PTPRD: variants seen among roughly 807,000 people sequenced by gnomAD.
PTPRD encodes receptor-type tyrosine-protein phosphatase delta.
In PTPRD, 34 loss-of-function variants were observed where a neutral mutation model predicts 214.5. The observed-to-expected ratio is 0.16, with a 90% CI of 0.12 to 0.21. The LOEUF (loss-of-function observed/expected upper bound fraction) is 0.21. Ranked by LOEUF, PTPRD falls within the 10% of genes least tolerant of loss-of-function variation. PTPRD has a pLI of 1.00. For synonymous variants in PTPRD, 1,128 were observed against 845.7 expected (o/e 1.33, Z -5.79); for missense variants, 2,545 against 2,398.7 (o/e 1.06, Z -1.27).
chr9:9,479,774 C>A (rs78369761), intron 8 of PTPRD, among the ~76,000 whole-genome samples: 2 of 151,512 alleles, frequency 1.3e-5, no homozygotes, highest in South Asian at 2.1e-4. Flanking sequence ...TCTTAAATTC[C>A]CCTATTTGTC....
intron 5 of PTPRD, among the ~76,000 whole-genome samples, chr9:9,810,629 G>A (rs1002206659): frequency 5.3e-5 from 8 of 151,316 alleles, no homozygotes; most frequent in African/African-American, 1.7e-4. Context: ...AAAAGATTTC[G>A]TTTAAAATAC....
At chr9:9,880,950 C>A (rs1411014369) in intron 5 of PTPRD, among the ~76,000 whole-genome samples, 1 of 152,018 alleles carries the variant, frequency 6.6e-6, no homozygotes, top group Non-Finnish European at 1.5e-5. Flanking sequence ...GAACAAAAAT[C>A]TTTCCTTTTA....
chr9:9,740,271 G>C (rs1349882594), intron 6 of PTPRD, among the ~76,000 whole-genome samples: 5 of 151,734 alleles, frequency 3.3e-5, no homozygotes, highest in Admixed American at 3.3e-4. Context: ...ATGCATATTA[G>C]CCATTAATAT....
intron 3 of PTPRD, among the ~76,000 whole-genome samples, chr9:10,258,863 T>C (rs910977410): frequency 1.3e-5 from 2 of 152,224 alleles, no homozygotes; most frequent in Non-Finnish European, 2.9e-5. Flanking sequence ...TAATTTATAA[T>C]TCAATACAAC....
At chr9:9,917,004 T>G (rs2081036027) in intron 5 of PTPRD, among the ~76,000 whole-genome samples, 1 of 151,200 alleles carries the variant, frequency 6.6e-6, no homozygotes, top group South Asian at 2.1e-4. Flanking sequence ...AAAAATCTCT[T>G]GAAACAAATG....
intron 30 of PTPRD, among the ~76,000 whole-genome samples, chr9:8,479,138 G>A (rs537567207): frequency 3.9e-5 from 6 of 152,266 alleles, no homozygotes; most frequent in African/African-American, 1.4e-4. Flanking sequence ...AAGTGACACA[G>A]CATGGCACGG....
rs112951986 is a variant in PTPRD, at chr9:9,645,051, A to G, written c.-286-70270T>C. Reference sequence around the variant, plus strand: ...ATGGTTAACACTTAGCCATCTGCAGACAGCAACTGCTAAAAGAGCATTAAT... The same window carrying G: ...ATGGTTAACACTTAGCCATCTGCAGGCAGCAACTGCTAAAAGAGCATTAAT... On this transcript the variant is annotated intron_variant, in intron 7 of 45. Transcript: ENST00000381196. Among the ~76,000 whole-genome samples the G allele has an allele frequency of 4.7e-3, 712 of 152,332 alleles. 10 individuals carry two copies. Among genetic ancestry groups the G allele is most frequent in the Non-Finnish European group, 6.5e-3 (440 of 68,022 alleles).
rs149250476 is a variant in PTPRD at position 8,701,818 on chromosome 9, AAT to A, written c.64+31960_64+31961del. Among the ~76,000 whole-genome samples, 406 of 152,334 alleles carry A rather than the reference AAT, an allele frequency of 2.7e-3. 1 individual carries two copies. Among genetic ancestry groups the A allele is most frequent in the Admixed American group, 4.1e-3 (62 of 15,304 alleles). On this transcript the variant is annotated intron_variant, in intron 12 of 45. Coordinates refer to ENST00000381196, the MANE Select transcript of PTPRD (RefSeq NM_002839.4). ...TATCTCAGTTACTGCCACCATTAAA[AAT>A]AGAGTATTCCATATAAAAGTGAGGG...
At chr9:9,409,180 C>A (rs1368736796) in intron 8 of PTPRD, among the ~76,000 whole-genome samples, 1 of 151,924 alleles carries the variant, frequency 6.6e-6, no homozygotes, top group Non-Finnish European at 1.5e-5. Flanking sequence ...TCTCAGTATA[C>A]TGTTCCTACA....
At chr9:9,946,446 C>G (rs961450924) in intron 4 of PTPRD, among the ~76,000 whole-genome samples, 4 of 152,204 alleles carry the variant, frequency 2.6e-5, no homozygotes, top group Non-Finnish European at 4.4e-5. Context: ...AAAATAAACT[C>G]CCTCTTCAAA....
At chr9:9,046,624 G>T (rs1286833500) in intron 10 of PTPRD, among the ~76,000 whole-genome samples, 1 of 152,072 alleles carries the variant, frequency 6.6e-6, no homozygotes, top group Non-Finnish European at 1.5e-5. Context: ...TATGATAGGG[G>T]TCATATAACT....
At chr9:8,507,474 A>G (rs2097565808) in intron 21 of PTPRD, 40 bp from the exon 22 acceptor site, 1 of 1,612,098 alleles carries the variant, frequency 6.2e-7, no homozygotes, top group Non-Finnish European at 8.5e-7. Context: ...CACAATCACC[A>G]GGAGTATTCA....
chr9:9,363,032 T>C (rs1006352569), intron 9 of PTPRD, among the ~76,000 whole-genome samples: 4 of 151,204 alleles, frequency 2.6e-5, no homozygotes, highest in Non-Finnish European at 5.9e-5. Flanking sequence ...TCTCCCAGTT[T>C]ATTACCCTTT....
chr9:9,995,501 T>C (rs1228172339), intron 4 of PTPRD, among the ~76,000 whole-genome samples: 1 of 152,200 alleles, frequency 6.6e-6, no homozygotes, highest in East Asian at 1.9e-4. Context: ...TTTACTTGCC[T>C]CTTCAGATCC....
rs2134798012 is a variant in PTPRD, at chr9:8,375,948, A to G, written c.4649T>C (p.Val1550Ala). The G allele has an allele frequency of 6.2e-6, 10 of 1,612,346 alleles. No individual in the cohort carries two copies. The highest frequency in any genetic ancestry group is 2.2e-5 in the East Asian group (1 of 44,838). Residue 1550 changes from valine to alanine, a missense_variant, in exon 39 of 46, where the codon GTT (valine) becomes GCT (alanine). Coordinates refer to ENST00000381196, the MANE Select transcript of PTPRD (RefSeq NM_002839.4). Reference protein sequence around the residue: ...TCNPPDAGPMVVHCSAGVGRT... With the variant: ...TCNPPDAGPMAVHCSAGVGRT... ...AAACGCTTCTTACCTGCAGTGCACA[A>G]CCATCGGACCAGCATCGGGAGGGTT...
intron 4 of PTPRD, among the ~76,000 whole-genome samples, chr9:9,988,929 T>C (rs2095812663): frequency 6.8e-6 from 1 of 146,918 alleles, no homozygotes; most frequent in African/African-American, 2.5e-5. Context: ...ATGAGACCAA[T>C]TACCTTCTGG....
At chr9:9,613,584 T>C (rs1371343863) in intron 7 of PTPRD, among the ~76,000 whole-genome samples, 1 of 152,202 alleles carries the variant, frequency 6.6e-6, no homozygotes, top group African/African-American at 2.4e-5. Context: ...ATCTCTTTAG[T>C]TTTTCTATTA....
At chr9:8,777,405 G>A (rs2095528835) in intron 11 of PTPRD, among the ~76,000 whole-genome samples, 1 of 152,096 alleles carries the variant, frequency 6.6e-6, no homozygotes, top group Non-Finnish European at 1.5e-5. Flanking sequence ...ATGTAAACTA[G>A]CAGTAGTTAA....
chr9:10,299,006 A>G (rs1411365856), intron 3 of PTPRD, among the ~76,000 whole-genome samples: 1 of 152,088 alleles, frequency 6.6e-6, no homozygotes, highest in Non-Finnish European at 1.5e-5. Flanking sequence ...CCTCACTGTC[A>G]CTACATTATT....
Sources: gnomAD v4.1 joint callset for allele counts (sites outside exome capture counted in the v4.1 genomes callset) on GRCh38, gnomAD v4.1.1 for gene constraint, MANE v1.5 for transcripts, NCBI Gene and HGNC (gene_info 2026-07-23, HGNC 2026-07-21) for gene names.